Variants in MAGI1 observed in about 807,000 individuals in gnomAD.
The protein encoded by MAGI1 is membrane associated guanylate kinase, WW and PDZ domain containing 1.
In MAGI1, 58 loss-of-function variants were observed where a neutral mutation model predicts 139.9. That is an observed-to-expected ratio of 0.41 (90% CI 0.34 to 0.52). The LOEUF is 0.52. Ranked by LOEUF, MAGI1 falls within the 20% of genes least tolerant of loss-of-function variation. The pLI is 0.12. For synonymous variants in MAGI1, 812 were observed against 737.9 expected, an observed-to-expected ratio of 1.10 and a Z score of -1.63; for missense variants, 1,874 against 1,901.6, an observed-to-expected ratio of 0.99 and a Z score of 0.27.
chr3:65,898,142 T>TTAATGTTTTCTACAAAAACA (rs1436878252), intron 1 of MAGI1, among the ~76,000 whole-genome samples: 1 of 152,188 alleles, frequency 6.6e-6, no homozygotes, highest in East Asian at 1.9e-4. Flanking sequence ...ACGATTTGGT[T>TTAATGTTTTCTACAAAAACA]TAATGTTTTC....
intron 1 of MAGI1, among the ~76,000 whole-genome samples, chr3:65,839,879 G>A (rs1366111529): frequency 6.6e-6 from 1 of 152,166 alleles, no homozygotes; most frequent in East Asian, 1.9e-4. Flanking sequence ...TTACGACGTT[G>A]AGTCTTCAAT....
chr3:65,583,391 G>A (rs945080773), intron 2 of MAGI1, among the ~76,000 whole-genome samples: 1 of 152,142 alleles, frequency 6.6e-6, no homozygotes, highest in Non-Finnish European at 1.5e-5. Context: ...CAGTGGGAGA[G>A]GGCTGCTAAC....
At chr3:65,839,499 G>T (rs559424506) in intron 1 of MAGI1, among the ~76,000 whole-genome samples, 2 of 152,010 alleles carry the variant, frequency 1.3e-5, no homozygotes, top group Admixed American at 6.6e-5. Flanking sequence ...ACCGCTCCAT[G>T]AGTGACAAAG....
At chr3:65,901,971 G>T (rs2061251417) in intron 1 of MAGI1, among the ~76,000 whole-genome samples, 1 of 152,008 alleles carries the variant, frequency 6.6e-6, no homozygotes, top group Admixed American at 6.6e-5. Context: ...TACCAAGACT[G>T]GTCTCCTCAA....
At chr3:65,390,626 G>A (rs1457410803) in intron 14 of MAGI1, among the ~76,000 whole-genome samples, 1 of 152,078 alleles carries the variant, frequency 6.6e-6, no homozygotes, top group African/African-American at 2.4e-5. Context: ...AGTAATTAAA[G>A]CACAACCACT....
chr3:65,918,281 T>C (rs997900158), intron 1 of MAGI1, among the ~76,000 whole-genome samples: 1 of 152,030 alleles, frequency 6.6e-6, no homozygotes, highest in Admixed American at 6.6e-5. Flanking sequence ...CATAACTCTC[T>C]CAGGTCAATT....
intron 2 of MAGI1, among the ~76,000 whole-genome samples, chr3:65,526,802 CA>C (rs2078403891): frequency 6.6e-6 from 1 of 152,142 alleles, no homozygotes; most frequent in Non-Finnish European, 1.5e-5. Flanking sequence ...GGTGATTAAA[CA>C]TTCCTACAAT....
intron 2 of MAGI1, among the ~76,000 whole-genome samples, chr3:65,515,992 A>G (rs1429688035): frequency 6.6e-6 from 1 of 152,200 alleles, no homozygotes; most frequent in African/African-American, 2.4e-5. Context: ...GAAATAGCAG[A>G]AATTATCAAA....
In MAGI1 at chr3:65,882,893, C is replaced by G. The variant is rs1011039770; in HGVS notation, c.313+155103G>C. On this transcript the variant is annotated intron_variant, in intron 1 of 22. Coordinates refer to ENST00000402939, the MANE Select transcript of MAGI1 (RefSeq NM_001033057.2). The stretch of plus-strand genomic sequence containing the variant: ...GAGGCTGCAGTGAGCCATGATCACG[C>G]AACTGCATTTCAGCCTGGGCAACAG... 4.5e-5 allele frequency among the ~76,000 whole-genome samples: 6 copies of G among 134,788 alleles called. No homozygotes were observed. The South Asian group carries it at 7.1e-4, about 16-fold the overall frequency. 88.4% of individuals were successfully genotyped at this position (134,788 alleles called of 152,430 possible). A position where few individuals can be genotyped will look rare whatever the true frequency, so the allele number is the denominator to read the frequency against.
chr3:65,584,361 G>A (rs939153985), intron 2 of MAGI1, among the ~76,000 whole-genome samples: 2 of 152,088 alleles, frequency 1.3e-5, no homozygotes, highest in Non-Finnish European at 2.9e-5. Flanking sequence ...CTGGTTTCTT[G>A]GAGAAAGAAA....
At chr3:65,383,679 C>G (rs1943232249) in intron 14 of MAGI1, 56 bp from the exon 15 acceptor site, 1 of 1,034,114 alleles carries the variant, frequency 9.7e-7, no homozygotes, top group Non-Finnish European at 1.5e-6. Context: ...AGCAATGATA[C>G]CCCCAAGATG....
intron 1 of MAGI1, among the ~76,000 whole-genome samples, chr3:65,934,506 T>C (rs2062954817): frequency 6.6e-6 from 1 of 152,224 alleles, no homozygotes; most frequent in South Asian, 2.1e-4. Context: ...ATCTATTTTA[T>C]AGACTACAAG....
At chr3:65,734,489 A>AAGAGAGAAAGAGGAAG (rs1343920972) in intron 1 of MAGI1, among the ~76,000 whole-genome samples, 3 of 138,116 alleles carry the variant, frequency 2.2e-5, no homozygotes, top group African/African-American at 8.2e-5. Flanking sequence ...AAGAGAAAGA[A>AAGAGAGAAAGAGGAAG]AGAGAGAAAG....
chr3:65,950,379 G>A (rs2063778389), intron 1 of MAGI1, among the ~76,000 whole-genome samples: 1 of 151,994 alleles, frequency 6.6e-6, no homozygotes, highest in South Asian at 2.1e-4. Context: ...AGGGTACTCT[G>A]CATAGATCTG....
chr3:65,767,000 A>C (rs1433211653), intron 1 of MAGI1, among the ~76,000 whole-genome samples: 1 of 152,172 alleles, frequency 6.6e-6, no homozygotes. Context: ...TGGGCAGGTC[A>C]TATTGCCCTC....
intron 22 of MAGI1, chr3:65,360,706 T>C: frequency 1.0e-6 from 1 of 995,288 alleles, no homozygotes; most frequent in Non-Finnish European, 1.2e-6. Context: ...AAGTGTTGTA[T>C]ACAGAGCATA....
rs78378821 is a variant in MAGI1 at position 65,810,706 on chromosome 3, G to A, written c.314-188618C>T. ...TCTTGCATTTCTGCAATCAGCCAGCGAGGGAAAGCCCGCACTCCACAAAAT... is the reference window on the plus strand; with the variant it reads ...TCTTGCATTTCTGCAATCAGCCAGCAAGGGAAAGCCCGCACTCCACAAAAT... On this transcript the variant is annotated intron_variant, in intron 1 of 22. Coordinates refer to ENST00000402939, the MANE Select transcript of MAGI1 (RefSeq NM_001033057.2). Among the ~76,000 whole-genome samples the A allele has an allele frequency of 2.8e-3, 431 of 152,288 alleles. 2 individuals are homozygous for A. Among genetic ancestry groups the A allele is most frequent in the African/African-American group, 9.8e-3 (406 of 41,576 alleles).
intron 1 of MAGI1, among the ~76,000 whole-genome samples, chr3:65,859,881 TG>T (rs1490679358): frequency 4.9e-5 from 3 of 61,074 alleles, no homozygotes; most frequent in Non-Finnish European, 6.2e-5. Flanking sequence ...ACCAATCAGG[TG>T]TTTTTTTGTT....
At chr3:65,854,888 T>A (rs2059320899) in intron 1 of MAGI1, among the ~76,000 whole-genome samples, 1 of 152,154 alleles carries the variant, frequency 6.6e-6, no homozygotes, top group Admixed American at 6.5e-5. Context: ...AAGGGAGAAG[T>A]ATGACACCTT....
Sources: gnomAD v4.1 joint callset for allele counts (sites outside exome capture counted in the v4.1 genomes callset) on GRCh38, gnomAD v4.1.1 for gene constraint, MANE v1.5 for transcripts, NCBI Gene and HGNC (gene_info 2026-07-23, HGNC 2026-07-21) for gene names.